The following SRPRA variants were observed in gnomAD, a reference collection of about 807,000 sequenced individuals.
The protein encoded by SRPRA is SRP receptor subunit alpha, also known as signal recognition particle receptor subunit alpha.
Under a neutral mutation model 61.1 loss-of-function variants are expected in SRPRA, and 30 were observed. The ratio of observed to expected loss-of-function variants is 0.49; its 90% confidence interval spans 0.37 to 0.67. SRPRA has a LOEUF of 0.67. Ranked by LOEUF, SRPRA falls within the 30% of genes least tolerant of loss-of-function variation. The probability of loss-of-function intolerance (pLI) is 0.00; values close to 1 mark genes in which losing one functional copy is unlikely to be tolerated. For missense variants in SRPRA, 759 were observed against 828.4 expected, an observed-to-expected ratio of 0.92 and a Z score of 1.03; for synonymous variants, 324 against 299.7, an observed-to-expected ratio of 1.08 and a Z score of -0.84.
At chr11:126,256,926 T>C in the SRPRA span, 11 of 1,432,970 alleles carry the variant, frequency 7.7e-6, no homozygotes, top group Admixed American at 8.4e-5. The surrounding 1 kb of genome is among the most constrained non-coding windows in gnomAD (Gnocchi z 6.6). Context: ...TGTGATGTGA[T>C]GGGCAAAATA....
Position 126,267,909 on chromosome 11 carries a change from G to A in SRPRA, c.201+94C>T, listed in dbSNP as rs1312690970. The stretch of plus-strand genomic sequence containing the variant: ...CTACCTTTCTAGTTTTTTCAGTTAC[G>A]TCATCATATACACTGGCTGCAATTA... On this transcript the variant is annotated intron_variant, in intron 2 of 13. Coordinates refer to ENST00000332118, the MANE Select transcript of SRPRA (RefSeq NM_003139.4). The surrounding 1 kb of genome is among the most constrained non-coding windows in gnomAD (Gnocchi z 4.2). 15 of 1,449,418 alleles carry A rather than the reference G, an allele frequency of 1.0e-5. No homozygotes were observed. The highest frequency in any genetic ancestry group is 4.2e-5 in the African/African-American group (3 of 71,204). 89.8% of individuals were successfully genotyped at this position (1,449,418 alleles called of 1,614,324 possible).
chr11:126,246,138 G>A, the SRPRA span, among the ~76,000 whole-genome samples: 1 of 152,130 alleles, frequency 6.6e-6, no homozygotes, highest in African/African-American at 2.4e-5. Context: ...ATATATTTAG[G>A]GGAAATTTAA....
chr11:126,267,721 G>C lies in SRPRA; in HGVS notation c.202-9C>G. ...ATCTTCTGAAAACCAACCTGTTTAG[G>C]GGAAGAAACAGCCAACAGATCTGCT... On this transcript the variant is annotated splice_polypyrimidine_tract_variant and intron_variant, in intron 2 of 13. Coordinates refer to ENST00000332118, the MANE Select transcript of SRPRA (RefSeq NM_003139.4). The surrounding 1 kb of genome is among the most constrained non-coding windows in gnomAD (Gnocchi z 4.2). The C allele has an allele frequency of 1.2e-6, 2 of 1,613,830 alleles. No individual in the cohort carries two copies. Among genetic ancestry groups the C allele is most frequent in the Non-Finnish European group, 8.5e-7 (1 of 1,179,944 alleles).
chr11:126,245,386 C>G, the SRPRA span: 203 of 151,512 alleles, frequency 1.3e-3, 1 homozygote, highest in African/African-American at 4.8e-3. Flanking sequence ...TTTTTTCTTT[C>G]AAAGCTTACT....
chr11:126,236,371 A>G, the SRPRA span, among the ~76,000 whole-genome samples: 5 of 152,332 alleles, frequency 3.3e-5, no homozygotes, highest in African/African-American at 1.2e-4. Flanking sequence ...TCTCTCATTC[A>G]TACTCTGCTA....
downstream of SRPRA, chr11:126,262,272 A>T: frequency 2.8e-6 from 2 of 722,352 alleles, no homozygotes; most frequent in African/African-American, 1.8e-5. Context: ...GGGGTAGAAG[A>T]GGGGGGAATG....
chr11:126,259,340 T>C (rs1950633669), downstream of SRPRA, among the ~76,000 whole-genome samples: 1 of 152,150 alleles, frequency 6.6e-6, no homozygotes, highest in Non-Finnish European at 1.5e-5. Context: ...TAGTATGTAG[T>C]TACACATATT....
the SRPRA span, among the ~76,000 whole-genome samples, chr11:126,237,756 C>T: frequency 2.1e-5 from 3 of 142,562 alleles, no homozygotes; most frequent in Non-Finnish European, 3.0e-5. Flanking sequence ...ACTCGGGAGG[C>T]TGAGGCAGGA....
downstream of SRPRA, among the ~76,000 whole-genome samples, chr11:126,258,327 C>T (rs1950613219): frequency 6.6e-6 from 1 of 152,140 alleles, no homozygotes; most frequent in South Asian, 2.1e-4. Flanking sequence ...TTGGAGTCTG[C>T]AGTGAGCTAT....
At chr11:126,261,531 CT>C (rs763531166), downstream of SRPRA, 1 of 1,483,700 alleles carries the variant, frequency 6.7e-7, no homozygotes, top group Non-Finnish European at 9.4e-7. Context: ...AGCAGAAAGT[CT>C]TTCTAGGTCC....
At chr11:126,261,155 G>GAAATGTGAAATGTA (rs1565342974), downstream of SRPRA, 12 of 364,994 alleles carry the variant, frequency 3.3e-5, no homozygotes, top group East Asian at 5.1e-4. Flanking sequence ...GCCTGTATGT[G>GAAATGTGAAATGTA]AAATGTAAAA....
At chr11:126,268,575 G>A (rs1379034384) in intron 1 of SRPRA, 113 bp downstream of exon 1, 3 of 809,014 alleles carry the variant, frequency 3.7e-6, no homozygotes, top group African/African-American at 3.7e-5. Flanking sequence ...CGCGTGAGTG[G>A]TCAGTGTGAG....
At chr11:126,245,308 G>A in the SRPRA span, 1 of 151,674 alleles carries the variant, frequency 6.6e-6, no homozygotes, top group Non-Finnish European at 1.5e-5. Flanking sequence ...AACTTCATAT[G>A]AAATTACAAG....
In SRPRA at chr11:126,267,239, C is replaced by G. The variant is rs1950831048; in HGVS notation, c.462G>C (p.Glu154Asp). 6.2e-7 allele frequency: 1 copy of G among 1,614,114 alleles called. No homozygotes were observed. The highest frequency in any genetic ancestry group is 8.5e-7 in the Non-Finnish European group (1 of 1,180,036). Residue 154 changes from glutamate to aspartate, a missense_variant, in exon 4 of 14, where the codon GAG becomes GAC. By Grantham distance (45) the Glu-to-Asp change is conservative. Around this residue, in one of 2 missense-constraint regions of SRPRA, gnomAD observed 475 missense variants for 462.5 expected, o/e 1.03. Coordinates refer to ENST00000332118, the MANE Select transcript of SRPRA (RefSeq NM_003139.4). The surrounding 1 kb of genome is among the most constrained non-coding windows in gnomAD (Gnocchi z 4.2). ...TTTCCTTGGGCTTTTCCCCCCGTGTCTCAATCATGGACCTCACAGGTTTCT... is the reference window on the plus strand; with the variant it reads ...TTTCCTTGGGCTTTTCCCCCCGTGTGTCAATCATGGACCTCACAGGTTTCT... Reference protein sequence around the residue: ...KAKKPVRSMIETRGEKPKEKA... With the variant: ...KAKKPVRSMIDTRGEKPKEKA...
chr11:126,249,187 C>A, the SRPRA span, among the ~76,000 whole-genome samples: 1 of 151,726 alleles, frequency 6.6e-6, no homozygotes, highest in Non-Finnish European at 1.5e-5. Context: ...CCTACCTGGA[C>A]AACATAGCCA....
the SRPRA span, among the ~76,000 whole-genome samples, chr11:126,257,456 C>T: frequency 6.6e-6 from 1 of 151,680 alleles, no homozygotes; most frequent in South Asian, 2.1e-4. Flanking sequence ...ACAGATATGC[C>T]AATATTTATT....
chr11:126,241,770 G>A, the SRPRA span, among the ~76,000 whole-genome samples: 16 of 151,980 alleles, frequency 1.1e-4, no homozygotes, highest in East Asian at 5.8e-4. Context: ...AGCTGGTCTC[G>A]AACTTCTGAC....
chr11:126,254,341 G>A, the SRPRA span: 6 of 1,614,160 alleles, frequency 3.7e-6, no homozygotes, highest in South Asian at 1.1e-5. Flanking sequence ...TAAGCTGAGC[G>A]TGTTGCATAT....
In SRPRA at chr11:126,268,848, GCCGCGTT is replaced by G; in HGVS notation, c.-51_-45del. 1 of 1,487,978 alleles carries G rather than the reference GCCGCGTT, an allele frequency of 6.7e-7. No homozygotes were observed. The allele number at this position is 1,487,978 out of a possible 1,614,324, so 92.2% of individuals were successfully genotyped here. The stretch of plus-strand genomic sequence containing the variant: ...GCTGGGGCCGGCGCCGGGAATTCAG[GCCGCGTT>G]CGCCGCCGCTTCCTGCTGCGCCAAG... On this transcript the variant is annotated 5_prime_UTR_variant, in exon 1 of 14. Coordinates refer to ENST00000332118, the MANE Select transcript of SRPRA (RefSeq NM_003139.4).
Sources: gnomAD v4.1 joint callset for allele counts (sites outside exome capture counted in the v4.1 genomes callset) on GRCh38, gnomAD v4.1.1 for gene constraint, gnomAD v4.1.1 regional missense constraint, Gnocchi (gnomAD v3.1) non-coding constraint, MANE v1.5 for transcripts, NCBI Gene and HGNC (gene_info 2026-07-23, HGNC 2026-07-21) for gene names.